ADAM28: variants seen among roughly 807,000 people sequenced by gnomAD.
The protein encoded by ADAM28 is disintegrin and metalloproteinase domain-containing protein 28.
Under a neutral mutation model 101.2 loss-of-function variants are expected in ADAM28, and 105 were observed. That is an observed-to-expected ratio of 1.04 (90% CI 0.89 to 1.22). ADAM28 has a LOEUF of 1.22. Among genes scored for constraint, ADAM28 ranks in the 50% most tolerant of loss-of-function variants. The pLI is 0.00. For synonymous variants in ADAM28, 322 were observed against 310.6 expected (o/e 1.04, Z -0.39); for missense variants, 1,028 against 945.4 (o/e 1.09, Z -1.15).
intron 10 of ADAM28, 138 bp from the exon 11 acceptor site, chr8:24,329,847 C>T: frequency 1.5e-6 from 1 of 672,536 alleles, no homozygotes; most frequent in Non-Finnish European, 2.3e-6. Flanking sequence ...CTCTCTTGCT[C>T]TGTGTGTGTG....
intron 16 of ADAM28, 56 bp downstream of exon 16, chr8:24,341,813 TG>T (rs1814802641): frequency 6.2e-7 from 1 of 1,609,392 alleles, no homozygotes; most frequent in Non-Finnish European, 8.5e-7. Context: ...TGGTGTGCTT[TG>T]TTGTTTTGCC....
At chr8:24,344,392 T>G (rs1815163257) in intron 18 of ADAM28, among the ~76,000 whole-genome samples, 1 of 152,198 alleles carries the variant, frequency 6.6e-6, no homozygotes, top group Non-Finnish European at 1.5e-5. Flanking sequence ...TTCATGTTCC[T>G]GCATCCTCTG....
chr8:24,313,260 T>A (rs1347657619), intron 5 of ADAM28, 128 bp from the exon 6 acceptor site: 1 of 785,050 alleles, frequency 1.3e-6, no homozygotes, highest in Non-Finnish European at 2.0e-6. Flanking sequence ...TGTATTTTAT[T>A]GCCATGAGCT....
intron 1 of ADAM28, among the ~76,000 whole-genome samples, chr8:24,296,651 A>C (rs1431911962): frequency 1.3e-5 from 2 of 152,228 alleles, no homozygotes; most frequent in Non-Finnish European, 2.9e-5. Flanking sequence ...ACAGTCAAAA[A>C]TAATTATCCC....
intron 17 of ADAM28, 67 bp from the exon 18 acceptor site, chr8:24,343,439 G>A (rs1005922427): frequency 1.4e-6 from 2 of 1,480,168 alleles, no homozygotes; most frequent in Admixed American, 3.4e-5. Context: ...ACTTTATTAT[G>A]GATGAGTAGG....
intron 9 of ADAM28, among the ~76,000 whole-genome samples, chr8:24,325,252 A>G (rs888204510): frequency 6.6e-6 from 1 of 152,034 alleles, no homozygotes; most frequent in Non-Finnish European, 1.5e-5. Context: ...TGATAAATGT[A>G]TAGGTAAAAA....
At position 24,341,729 on chromosome 8, in the gene ADAM28, C is replaced by T. The variant is rs1814792094; in HGVS notation, c.1802C>T (p.Ala601Val). 6.2e-7 allele frequency: 1 copy of T among 1,613,654 alleles called. No individual in the cohort carries two copies. The highest frequency in any genetic ancestry group is 8.5e-7 in the Non-Finnish European group (1 of 1,179,740). ...ACAAGTCAAGAAATAGGCATGGTGG[C>T]CAATGGAACTAAGTGTGGCGATAAC... ...EDTSQEIGMVANGTKCGDNKV... is the reference protein window; with the variant it reads ...EDTSQEIGMVVNGTKCGDNKV... Residue 601 changes from alanine (A) to valine (V), a missense_variant, in exon 16 of 23, where the codon GCC (alanine) becomes GTC (valine). Coordinates refer to ENST00000265769, the MANE Select transcript of ADAM28 (RefSeq NM_014265.6).
chr8:24,298,287 T>C (rs1322103889), intron 1 of ADAM28, among the ~76,000 whole-genome samples: 1 of 152,218 alleles, frequency 6.6e-6, no homozygotes, highest in Non-Finnish European at 1.5e-5. Flanking sequence ...GAAAAGATAG[T>C]TCATTACTTT....
intron 16 of ADAM28, 60 bp downstream of exon 16, chr8:24,341,817 G>A (rs1814802993): frequency 6.2e-7 from 1 of 1,606,902 alleles, no homozygotes; most frequent in African/African-American, 1.3e-5. Flanking sequence ...GTGCTTTGTT[G>A]TTTTGCCCCT....
Position 24,351,274 on chromosome 8 carries a change from G to C in ADAM28, c.2142G>C (p.Arg714Ser). 6.2e-7 allele frequency: 1 copy of C among 1,611,794 alleles called. No homozygotes were observed. The highest frequency in any genetic ancestry group is 8.5e-7 in the Non-Finnish European group (1 of 1,179,080). ...GCACCAGGCCACACAAACAGAAGAG[G>C]AAACCCCAGATGGTAAAGGCTGTTC... ...TTGTRPHKQK[R>S]KPQMVKAVQP... is the part of the protein sequence containing the mutation. Residue 714 changes from arginine to serine, a missense_variant, in exon 20 of 23, where the codon AGG (arginine) becomes AGC (serine). Transcript: ENST00000265769.
At chr8:24,308,230 G>A (rs1427335741) in intron 2 of ADAM28, among the ~76,000 whole-genome samples, 1 of 152,130 alleles carries the variant, frequency 6.6e-6, no homozygotes, top group African/African-American at 2.4e-5. Flanking sequence ...AACCTACAGA[G>A]TACACAACTA....
Position 24,357,104 on chromosome 8 carries a change from C to T in ADAM28, c.*2700C>T, listed in dbSNP as rs1367316011. On this transcript the variant is annotated 3_prime_UTR_variant, in exon 23 of 23. Transcript: ENST00000265769. ...GACCCTCAAATGAAGTGAAGTCTAC[C>T]AATAACCACTGAATAAGCTTGGAAT... 7 of 130,828 alleles carry T rather than the reference C, an allele frequency of 5.4e-5. No individual in the cohort carries two copies. In the Admixed American group the frequency reaches 5.8e-4, roughly 11 times the overall value. The allele number at this position is 130,828 out of a possible 1,614,324, so 8.1% of individuals were successfully genotyped here. A position where few individuals can be genotyped will look rare whatever the true frequency, so the allele number is the denominator to read the frequency against.
At chr8:24,300,128 C>T in intron 2 of ADAM28, 51 bp downstream of exon 2, 3 of 1,344,476 alleles carry the variant, frequency 2.2e-6, no homozygotes, top group Non-Finnish European at 3.2e-6. Flanking sequence ...CATATATACA[C>T]ACATATATAT....
At chr8:24,347,832 G>A (rs577157432) in intron 18 of ADAM28, among the ~76,000 whole-genome samples, 8 of 152,104 alleles carry the variant, frequency 5.3e-5, no homozygotes, top group Middle Eastern at 3.4e-3. Context: ...TAGCTGTAAC[G>A]TATTTGTTTT....
At chr8:24,321,781 T>A (rs1031647139) in intron 8 of ADAM28, among the ~76,000 whole-genome samples, 2 of 151,962 alleles carry the variant, frequency 1.3e-5, no homozygotes, top group Non-Finnish European at 2.9e-5. Flanking sequence ...GAGAAAAGAA[T>A]AGCCATGGGG....
At chr8:24,316,039 A>G (rs1044837730) in intron 6 of ADAM28, among the ~76,000 whole-genome samples, 2 of 151,724 alleles carry the variant, frequency 1.3e-5, no homozygotes, top group African/African-American at 4.8e-5. Flanking sequence ...ATAGAAGAAA[A>G]GTTCCTCAAC....
At chr8:24,294,628 C>T (rs1245956725) in intron 1 of ADAM28, among the ~76,000 whole-genome samples, 1 of 151,900 alleles carries the variant, frequency 6.6e-6, no homozygotes, top group Non-Finnish European at 1.5e-5. Flanking sequence ...GCCAGTTTGG[C>T]TCTTTCTGTT....
At chr8:24,352,339 G>T (rs906749282) in intron 21 of ADAM28, among the ~76,000 whole-genome samples, 5 of 152,128 alleles carry the variant, frequency 3.3e-5, no homozygotes, top group Non-Finnish European at 5.9e-5. Flanking sequence ...TAGATTGAGT[G>T]GCTTAAACAA....
intron 20 of ADAM28, chr8:24,351,603 C>G: frequency 2.0e-6 from 1 of 510,682 alleles, no homozygotes; most frequent in South Asian, 2.0e-5. Context: ...CTCACACACA[C>G]ACACTCCCTC....
Sources: gnomAD v4.1 joint callset for allele counts (sites outside exome capture counted in the v4.1 genomes callset) on GRCh38, gnomAD v4.1.1 for gene constraint, MANE v1.5 for transcripts, NCBI Gene and HGNC (gene_info 2026-07-23, HGNC 2026-07-21) for gene names.